Variants in ABHD17A observed in about 807,000 individuals in gnomAD.
ABHD17A encodes abhydrolase domain containing 17A, depalmitoylase, also known as alpha/beta hydrolase domain-containing protein 17A.
Under a neutral mutation model 26.8 loss-of-function variants are expected in ABHD17A, and 10 were observed. The observed-to-expected ratio is 0.37, with a 90% CI of 0.23 to 0.63. The LOEUF (loss-of-function observed/expected upper bound fraction) is 0.63, where lower values mean the gene tolerates loss of function less well. Ranked by LOEUF, ABHD17A falls within the 30% of genes least tolerant of loss-of-function variation. The pLI is 0.61. For missense variants in ABHD17A, 292 were observed against 457.3 expected (o/e 0.64, Z 3.30); for synonymous variants, 167 against 210.9 (o/e 0.79, Z 1.80).
Position 1,876,955 on chromosome 19 carries a change from T to G in ABHD17A, c.*245A>C. On this transcript the variant is annotated 3_prime_UTR_variant, in exon 5 of 5. Transcript: ENST00000292577. ...GCGCTCGAGAGAGTGAGCAGAGCCA[T>G]GAAAGGAAGGAGAGCAGCCCTAAAA... is the stretch of plus-strand genomic sequence containing the variant. The G allele has an allele frequency of 1.7e-5, 9 of 524,514 alleles. No individual in the cohort carries two copies. Among genetic ancestry groups the G allele is most frequent in the East Asian group, 6.9e-5 (2 of 29,000 alleles). The allele number at this position is 524,514 out of a possible 1,614,324, so 32.5% of individuals were successfully genotyped here. A position where few individuals can be genotyped will look rare whatever the true frequency, so the allele number is the denominator to read the frequency against.
chr19:1,880,187 G>A lies in ABHD17A; in HGVS notation c.333-72C>T. The A allele has an allele frequency of 6.5e-7, 1 of 1,543,502 alleles. No individual in the cohort carries two copies. Among genetic ancestry groups the A allele is most frequent in the Non-Finnish European group, 8.8e-7 (1 of 1,130,618 alleles). On this transcript the variant is annotated intron_variant, in intron 2 of 4. Coordinates refer to ENST00000292577, the MANE Select transcript of ABHD17A (RefSeq NM_001130111.2). The surrounding 1 kb of genome is among the most constrained non-coding windows in gnomAD (Gnocchi z 4.1). ...CAGCTGCAGGGCAGGAGGATGCGTA[G>A]TGACAGCCCACCCCGGTGGCCAGCC... is the stretch of plus-strand genomic sequence containing the variant.
chr19:1,883,796 A>G (rs1004404255), intron 1 of ABHD17A: 1 of 152,460 alleles, frequency 6.6e-6, no homozygotes, highest in African/African-American at 2.4e-5. Flanking sequence ...ACAATCTTTC[A>G]CGACACAAAT....
chr19:1,882,670 C>A (rs1005401561), intron 1 of ABHD17A: 1 of 152,184 alleles, frequency 6.6e-6, no homozygotes, highest in Admixed American at 6.5e-5. Flanking sequence ...TGCTGCAGAA[C>A]GTCATGAAAC....
chr19:1,884,460 G>T (rs1405215951), intron 1 of ABHD17A, among the ~76,000 whole-genome samples: 1 of 152,076 alleles, frequency 6.6e-6, no homozygotes, highest in Non-Finnish European at 1.5e-5. Flanking sequence ...CCGTTCCCAC[G>T]CACTTAACTG....
chr19:1,879,630 C>T lies in ABHD17A; in HGVS notation c.527+291G>A, dbSNP rs1433517126. ...CCCACTCCCTCCCGCCGGGTGGCAT[C>T]CACACCCCTGTGACAAGCTCAGCCC... On this transcript the variant is annotated intron_variant, in intron 3 of 4. Transcript: ENST00000292577. The surrounding 1 kb of genome is among the most constrained non-coding windows in gnomAD (Gnocchi z 7.6). 2 of 498,168 alleles carry T rather than the reference C, an allele frequency of 4.0e-6. No homozygotes were observed. The highest frequency in any genetic ancestry group is 7.3e-6 in the Non-Finnish European group (2 of 272,230). The allele number at this position is 498,168 out of a possible 1,614,324, so 30.9% of individuals were successfully genotyped here.
At position 1,881,219 on chromosome 19, in the gene ABHD17A, G is replaced by A. The variant is rs753877194; in HGVS notation, c.332+16C>T. ...GAACAGGGTGACCCAGCCCAGGCGCGGCCACAGCTGCTCACCTGGCACCAG... is the reference window on the plus strand; with the variant it reads ...GAACAGGGTGACCCAGCCCAGGCGCAGCCACAGCTGCTCACCTGGCACCAG... On this transcript the variant is annotated intron_variant, in intron 2 of 4. Transcript: ENST00000292577. The A allele has an allele frequency of 1.3e-5, 21 of 1,610,450 alleles. No homozygotes were observed. Among genetic ancestry groups the A allele is most frequent in the Middle Eastern group, 2.2e-4 (1 of 4,466 alleles).
intron 1 of ABHD17A, chr19:1,882,527 G>A (rs1031492870): frequency 2.6e-5 from 4 of 152,132 alleles, no homozygotes; most frequent in African/African-American, 7.2e-5. Flanking sequence ...GACCGTGGGC[G>A]AGTCCCTTGC....
rs747403126 is a variant in ABHD17A at position 1,877,539 on chromosome 19, T to C, written c.676A>G (p.Lys226Glu). 1.3e-6 allele frequency: 2 copies of C among 1,595,208 alleles called. No homozygotes were observed. The highest frequency in any genetic ancestry group is 1.7e-6 in the Non-Finnish European group (2 of 1,178,884). ...AAGGCGTCGAAGCAGTAGGTCTTCT[T>C]GGTGTCGGGGAAGGCGACGCGCATG... Reference protein sequence around the residue: ...SGMRVAFPDTKKTYCFDAFPN... With the variant: ...SGMRVAFPDTEKTYCFDAFPN... The change falls in exon 4 of 5, where the codon AAG becomes GAG. Residue 226 changes from lysine (K) to glutamate (E), a missense_variant. Physicochemically the swap from Lys to Glu is moderately conservative, Grantham distance 56. Around this residue, in one of 4 missense-constraint regions of ABHD17A, gnomAD observed 88 missense variants for 134.3 expected, o/e 0.66. Coordinates refer to ENST00000292577, the MANE Select transcript of ABHD17A (RefSeq NM_001130111.2).
intron 3 of ABHD17A, chr19:1,878,338 A>AGGACCCCACCAGCTCCCACCCAGGG (rs2012431038): frequency 6.6e-6 from 1 of 152,406 alleles, no homozygotes; most frequent in Non-Finnish European, 1.5e-5. Context: ...CGGCCACCTC[A>AGGACCCCACCAGCTCCCACCCAGGG]GCACCACCAG....
chr19:1,883,674 C>T (rs1168520258), intron 1 of ABHD17A: 1 of 152,546 alleles, frequency 6.6e-6, no homozygotes, highest in Admixed American at 6.5e-5. Context: ...CTCTGCCTGT[C>T]TCCCATCAGC....
At position 1,877,245 on chromosome 19, in the gene ABHD17A, G is replaced by A. The variant is rs1208654270; in HGVS notation, c.888C>T (p.Arg296=). 6.5e-6 allele frequency: 10 copies of A among 1,543,046 alleles called. No individual in the cohort carries two copies. The highest frequency in any genetic ancestry group is 8.7e-6 in the Non-Finnish European group (10 of 1,147,806). The part of the protein sequence containing the change: ...DIELYSQYLE[R]LRRFISQELP... ...GCTCCTGGGAGATGAAGCGACGCAG[G>A]CGCTCCAGGTACTGGCTGTAGAGCT... The change falls in exon 5 of 5, where the codon CGC becomes CGT. Residue 296 remains arginine (R), a synonymous_variant. Coordinates refer to ENST00000292577, the MANE Select transcript of ABHD17A (RefSeq NM_001130111.2).
rs1455452413 is a variant in ABHD17A at position 1,880,577 on chromosome 19, ATCTC to A, written c.333-466_333-463del. Among the ~76,000 whole-genome samples the A allele has an allele frequency of 6.6e-6, 1 of 152,094 alleles. No individual in the cohort carries two copies. The highest frequency in any genetic ancestry group is 1.5e-5 in the Non-Finnish European group (1 of 67,996). ...AGCCCATGCTGCTGCTGGCAGGGCT[ATCTC>A]CCCTCACCTCACAGAATGGTGCCCT... On this transcript the variant is annotated intron_variant, in intron 2 of 4. Transcript: ENST00000292577. The surrounding 1 kb of genome is among the most constrained non-coding windows in gnomAD (Gnocchi z 4.1).
At chr19:1,878,112 A>G in intron 3 of ABHD17A, 1 of 201,654 alleles carries the variant, frequency 5.0e-6, no homozygotes, top group Non-Finnish European at 1.0e-5. Context: ...ACTGGCCAGG[A>G]CAGCGGACAC....
chr19:1,882,250 G>A (rs749724193), intron 1 of ABHD17A: 4 of 152,428 alleles, frequency 2.6e-5, no homozygotes, highest in East Asian at 3.8e-4. Context: ...GACAGAGCTC[G>A]AACTGAAGGG....
chr19:1,878,040 T>C, intron 3 of ABHD17A: 1 of 308,260 alleles, frequency 3.2e-6, no homozygotes, highest in South Asian at 4.0e-5. Context: ...GGGAACTGTG[T>C]GGCCCCCACA....
chr19:1,880,016 G>A lies in ABHD17A; in HGVS notation c.432C>T (p.Ser144=). 2 of 1,613,270 alleles carry A rather than the reference G, an allele frequency of 1.2e-6. No individual in the cohort carries two copies. The highest frequency in any genetic ancestry group is 1.7e-6 in the Non-Finnish European group (2 of 1,180,020). The part of the protein sequence containing the change: ...LGSRLHCNIF[S]YDYSGYGASS... The stretch of plus-strand genomic sequence containing the variant: ...TGGCACCGTAGCCGGAGTAGTCGTA[G>A]GAGAAGATGTTGCAGTGGAGGCGGG... Residue 144 remains serine, a synonymous_variant, in exon 3 of 5, where the codon TCC becomes TCT. Coordinates refer to ENST00000292577, the MANE Select transcript of ABHD17A (RefSeq NM_001130111.2). This position sits in a 1 kb window ranked among gnomAD's most constrained non-coding sequence, Gnocchi z 4.1.
At chr19:1,878,258 A>G (rs1310235242) in intron 3 of ABHD17A, 1 of 153,612 alleles carries the variant, frequency 6.5e-6, no homozygotes, top group Non-Finnish European at 1.5e-5. Flanking sequence ...CCAGGTCAGC[A>G]TCGAGGGTGG....
chr19:1,884,669 G>A (rs972952677), intron 1 of ABHD17A, among the ~76,000 whole-genome samples: 5 of 152,138 alleles, frequency 3.3e-5, no homozygotes, highest in South Asian at 2.1e-4. Flanking sequence ...GGGACAGAGG[G>A]ACAAGCAGGA....
chr19:1,884,166 C>G (rs189229648), intron 1 of ABHD17A, among the ~76,000 whole-genome samples: 3 of 152,174 alleles, frequency 2.0e-5, no homozygotes, highest in African/African-American at 4.8e-5. Context: ...GATCTCCCCC[C>G]ACCTCCAAAC....
Sources: allele counts gnomAD v4.1 joint callset (sites outside exome capture counted in the v4.1 genomes callset), GRCh38; gene constraint gnomAD v4.1.1; regional missense constraint gnomAD v4.1.1; non-coding constraint Gnocchi (gnomAD v3.1); transcripts MANE v1.5; gene names NCBI Gene and HGNC (gene_info 2026-07-23, HGNC 2026-07-21).